The following LRMDA variants were observed in gnomAD, a reference collection of about 807,000 sequenced individuals.
LRMDA encodes the protein leucine-rich melanocyte differentiation-associated protein.
LRMDA carries 18 observed loss-of-function variants against 29.8 expected under a neutral mutation model. That is an observed-to-expected ratio of 0.60 (90% confidence interval 0.42 to 0.90). LRMDA has a LOEUF of 0.90. Among genes scored for constraint, LRMDA ranks in the 40% least tolerant of loss-of-function variants. LRMDA has a pLI of 0.00. For synonymous variants in LRMDA, 125 were observed against 109.4 expected (o/e 1.14, Z -0.89); for missense variants, 273 against 273.9 (o/e 1.00, Z 0.02).
intron 6 of LRMDA, among the ~76,000 whole-genome samples, chr10:76,345,159 C>T (rs1281057295): frequency 6.7e-6 from 1 of 148,734 alleles, no homozygotes; most frequent in African/African-American, 2.4e-5. Context: ...CTCCGCCTCC[C>T]GGGTTCACGC....
At chr10:76,398,791 T>C (rs1349101466) in intron 6 of LRMDA, among the ~76,000 whole-genome samples, 2 of 152,202 alleles carry the variant, frequency 1.3e-5, no homozygotes, top group African/African-American at 4.8e-5. Flanking sequence ...ACCTTTTCCA[T>C]GAGTTTCTCA....
At chr10:76,373,615 C>A (rs1181936358) in intron 6 of LRMDA, among the ~76,000 whole-genome samples, 1 of 151,942 alleles carries the variant, frequency 6.6e-6, no homozygotes, top group Non-Finnish European at 1.5e-5. Context: ...TGAGTCTTCC[C>A]AAATGTGTCT....
At chr10:75,804,131 C>T (rs938242464) in intron 2 of LRMDA, among the ~76,000 whole-genome samples, 3 of 152,206 alleles carry the variant, frequency 2.0e-5, no homozygotes, top group East Asian at 1.9e-4. Context: ...CAAGGAGGCT[C>T]CTGTTTCCTT....
intron 5 of LRMDA, among the ~76,000 whole-genome samples, chr10:76,138,717 C>T (rs1450150343): frequency 6.6e-6 from 1 of 152,160 alleles, no homozygotes; most frequent in Non-Finnish European, 1.5e-5. Flanking sequence ...AATACCATTA[C>T]AAATAGATTT....
At chr10:76,097,577 G>A (rs1016472147) in intron 5 of LRMDA, among the ~76,000 whole-genome samples, 4 of 152,164 alleles carry the variant, frequency 2.6e-5, no homozygotes, top group Non-Finnish European at 5.9e-5. Flanking sequence ...TCCTCTATCA[G>A]ATTGAAGATG....
intron 2 of LRMDA, among the ~76,000 whole-genome samples, chr10:75,933,662 G>A (rs145204443): frequency 4.1e-4 from 62 of 152,206 alleles, no homozygotes; most frequent in Admixed American, 8.5e-4. Context: ...CTACCACCTC[G>A]TAGAAATAGC....
At chr10:76,416,979 A>T (rs1842021838) in intron 6 of LRMDA, among the ~76,000 whole-genome samples, 1 of 152,232 alleles carries the variant, frequency 6.6e-6, no homozygotes, top group African/African-American at 2.4e-5. Flanking sequence ...TAGGCCGGAA[A>T]TGTTTCACTC....
intron 2 of LRMDA, among the ~76,000 whole-genome samples, chr10:75,649,049 C>T (rs1841565193): frequency 6.6e-6 from 1 of 152,118 alleles, no homozygotes. Context: ...TCATCAGCAC[C>T]ATCCATCTGC....
intron 2 of LRMDA, among the ~76,000 whole-genome samples, chr10:75,734,931 G>A (rs1488422467): frequency 6.6e-6 from 1 of 152,214 alleles, no homozygotes; most frequent in Non-Finnish European, 1.5e-5. Flanking sequence ...CTTCTGTGAT[G>A]CTCCTGATCC....
At chr10:75,706,068 C>T (rs541118556) in intron 2 of LRMDA, among the ~76,000 whole-genome samples, 5 of 152,218 alleles carry the variant, frequency 3.3e-5, no homozygotes, top group African/African-American at 7.2e-5. Flanking sequence ...GTGTCAATTT[C>T]GTGTCCTTTT....
At chr10:76,447,961 T>A (rs1842369397) in intron 6 of LRMDA, among the ~76,000 whole-genome samples, 1 of 152,228 alleles carries the variant, frequency 6.6e-6, no homozygotes, top group South Asian at 2.1e-4. Context: ...TCAGCTAGAA[T>A]TGCTTTTTGT....
chr10:75,751,144 T>A (rs1044595481), intron 2 of LRMDA, among the ~76,000 whole-genome samples: 3 of 152,084 alleles, frequency 2.0e-5, no homozygotes, highest in Non-Finnish European at 4.4e-5. Context: ...TGAAACCCCG[T>A]CTCCACCAAA....
At chr10:75,912,283 A>G (rs1406097733) in intron 2 of LRMDA, among the ~76,000 whole-genome samples, 2 of 152,196 alleles carry the variant, frequency 1.3e-5, no homozygotes, top group African/African-American at 2.4e-5. Flanking sequence ...AAACCAGACT[A>G]TAATATCTTC....
chr10:76,529,524 A>G (rs1482147084), intron 6 of LRMDA, among the ~76,000 whole-genome samples: 9 of 152,152 alleles, frequency 5.9e-5, no homozygotes, highest in Non-Finnish European at 1.3e-4. Context: ...CTCAATCTTA[A>G]GTGTGCTTAA....
intron 1 of LRMDA, among the ~76,000 whole-genome samples, chr10:75,432,399 G>A (rs933645282): frequency 1.3e-5 from 2 of 152,172 alleles, no homozygotes; most frequent in African/African-American, 4.8e-5. Flanking sequence ...ATGGCAACAC[G>A]CCAGTTTCAA....
Position 76,557,455 on chromosome 10 carries a change from G to A in LRMDA, c.*167G>A. ...CCGCTGACTTTGCCAGGCCTGTCAA[G>A]ATGATCCTTCTGCCTTAGACTGAGT... On this transcript the variant is annotated 3_prime_UTR_variant, in exon 7 of 7. Transcript: ENST00000611255. The A allele has an allele frequency of 1.6e-6, 1 of 631,112 alleles. No homozygotes were observed. Among genetic ancestry groups the A allele is most frequent in the Non-Finnish European group, 2.8e-6 (1 of 358,724 alleles). The allele number at this position is 631,112 out of a possible 1,614,324, so 39.1% of individuals were successfully genotyped here. A position where few individuals can be genotyped will look rare whatever the true frequency, so the allele number is the denominator to read the frequency against.
intron 2 of LRMDA, among the ~76,000 whole-genome samples, chr10:75,676,256 G>T (rs1386173286): frequency 1.3e-5 from 2 of 152,178 alleles, no homozygotes; most frequent in East Asian, 3.8e-4. Context: ...AAAGTGAGTT[G>T]TTTAGACTTC....
chr10:75,844,449 G>T (rs1844597157), intron 2 of LRMDA, among the ~76,000 whole-genome samples: 1 of 152,130 alleles, frequency 6.6e-6, no homozygotes, highest in Admixed American at 6.5e-5. Flanking sequence ...AAGCCCAAAA[G>T]AATCCTACAG....
In LRMDA at chr10:76,283,411, G is replaced by A. The variant is rs1307494361; in HGVS notation, c.517-40990G>A. ...TTCTTCCCACTGGGGAAGCATGAAG[G>A]AGCATGAATGAGACAAGTGCTTGAG... On this transcript the variant is annotated intron_variant, in intron 5 of 6. Transcript: ENST00000611255. Among the ~76,000 whole-genome samples the A allele has an allele frequency of 3.9e-5, 6 of 152,276 alleles. No individual in the cohort carries two copies. In the East Asian group the frequency reaches 7.7e-4, roughly 20 times the overall value.
Sources: gnomAD v4.1 joint callset for allele counts (sites outside exome capture counted in the v4.1 genomes callset) on GRCh38, gnomAD v4.1.1 for gene constraint, MANE v1.5 for transcripts, NCBI Gene and HGNC (gene_info 2026-07-23, HGNC 2026-07-21) for gene names.